MYO9A: variants seen among roughly 807,000 people sequenced by gnomAD.
MYO9A encodes myosin IXA.
A neutral mutation model predicts 293.3 loss-of-function variants in MYO9A; 103 were observed. The ratio of observed to expected loss-of-function variants is 0.35; its 90% CI spans 0.30 to 0.41. MYO9A has a LOEUF of 0.41. MYO9A is among the 10% of genes least tolerant of loss of function. The pLI is 1.00. For missense variants in MYO9A, 2,685 were observed against 3,033.0 expected (o/e 0.89, Z 2.69); for synonymous variants, 1,001 against 1,035.7 (o/e 0.97, Z 0.64).
chr15:71,856,819 G>A (rs902740555), intron 34 of MYO9A, among the ~76,000 whole-genome samples: 2 of 152,116 alleles, frequency 1.3e-5, no homozygotes, highest in African/African-American at 4.8e-5. Context: ...GGAATATTTA[G>A]AGGATGCATA....
At chr15:72,061,531 A>C (rs2078878167) in intron 1 of MYO9A, among the ~76,000 whole-genome samples, 1 of 151,604 alleles carries the variant, frequency 6.6e-6, no homozygotes, top group South Asian at 2.1e-4. Context: ...CCTTGAAAAA[A>C]CATCAGTGGT....
At chr15:71,838,133 A>G (rs773252203) in intron 39 of MYO9A, among the ~76,000 whole-genome samples, 1 of 152,186 alleles carries the variant, frequency 6.6e-6, no homozygotes, top group South Asian at 2.1e-4. Context: ...ATCTGTAGAT[A>G]ACACTGAGAA....
intron 19 of MYO9A, among the ~76,000 whole-genome samples, chr15:71,906,940 C>CTT (rs1164013567): frequency 7.3e-6 from 1 of 137,044 alleles, no homozygotes. Context: ...TTTTTTTTTT[C>CTT]TTTTTTTTTT....
rs574036856 is a variant in MYO9A, at chr15:72,084,506, C to A, written c.-72+33174G>T. 2.0e-5 allele frequency among the ~76,000 whole-genome samples: 3 copies of A among 152,244 alleles called. No homozygotes were observed. In the East Asian group the frequency reaches 5.8e-4, roughly 29 times the overall value. ...AGTATTGATAAGTGTGGATTTGATA[C>A]TGACATCATGATGTTACCTGGTTGT... On this transcript the variant is annotated intron_variant, in intron 1 of 41. Coordinates refer to ENST00000356056, the MANE Select transcript of MYO9A (RefSeq NM_006901.4).
At chr15:72,115,293 G>A (rs1172823873) in intron 1 of MYO9A, among the ~76,000 whole-genome samples, 3 of 152,124 alleles carry the variant, frequency 2.0e-5, no homozygotes, top group East Asian at 3.9e-4. Context: ...CCCAGAACCT[G>A]ATACTGAGCT....
chr15:71,882,338 G>A (rs2056898967), intron 28 of MYO9A, among the ~76,000 whole-genome samples: 1 of 152,216 alleles, frequency 6.6e-6, no homozygotes, highest in African/African-American at 2.4e-5. Flanking sequence ...AAAAGGGCTT[G>A]AGAAGTGGTA....
intron 8 of MYO9A, 84 bp downstream of exon 8, chr15:72,007,742 C>A (rs1036245165): frequency 9.8e-6 from 13 of 1,326,980 alleles, no homozygotes; most frequent in African/African-American, 1.5e-5. Flanking sequence ...AAAGCATTAA[C>A]CCGTTTACAC....
Position 72,007,899 on chromosome 15 carries a change from T to C in MYO9A, c.1307A>G (p.Lys436Arg), listed in dbSNP as rs1403488597. The change falls in exon 8 of 42, where the codon AAG becomes AGG. Residue 436 changes from lysine to arginine, a missense_variant. Physicochemically the swap from Lys to Arg is conservative, Grantham distance 26. Transcript: ENST00000356056. ...AATGGAGTCATCCCGGTATGTCTTC[T>C]TTTTGTAACAGATATTACCCAAATG... is the stretch of plus-strand genomic sequence containing the variant. Reference protein sequence around the residue: ...ILHLGNICYKKKTYRDDSIDI... With the variant: ...ILHLGNICYKRKTYRDDSIDI... 3.1e-6 allele frequency: 5 copies of C among 1,613,350 alleles called. No homozygotes were observed. In the East Asian group the frequency reaches 8.9e-5, roughly 29 times the overall value.
chr15:71,908,013 C>T (rs2057718978), intron 19 of MYO9A, among the ~76,000 whole-genome samples: 2 of 152,264 alleles, frequency 1.3e-5, no homozygotes, highest in East Asian at 3.9e-4. Flanking sequence ...ACATGAAGTA[C>T]TTGCCCATGC....
rs1407675372 is a variant in MYO9A at position 71,980,837 on chromosome 15, TAAAAACA to T, written c.1723-2552_1723-2546del. Among the ~76,000 whole-genome samples, 7 of 152,228 alleles carry T rather than the reference TAAAAACA, an allele frequency of 4.6e-5. No homozygotes were observed. In the East Asian group the frequency reaches 1.4e-3, roughly 29 times the overall value. The stretch of plus-strand genomic sequence containing the variant: ...TGGGCTGCAGAGCGAGACTCTGTCT[TAAAAACA>T]AAAAACAAACAAACAAGCAAAACTC... On this transcript the variant is annotated intron_variant, in intron 11 of 41. Coordinates refer to ENST00000356056, the MANE Select transcript of MYO9A (RefSeq NM_006901.4).
chr15:72,098,120 T>C (rs1415458661), intron 1 of MYO9A, among the ~76,000 whole-genome samples: 1 of 152,034 alleles, frequency 6.6e-6, no homozygotes, highest in Non-Finnish European at 1.5e-5. Flanking sequence ...ACTTGACACT[T>C]TTCCCTATGC....
At position 72,047,066 on chromosome 15, in the gene MYO9A, C is replaced by T. The variant is rs141207000; in HGVS notation, c.-71-432G>A. Among the ~76,000 whole-genome samples, 8 of 152,102 alleles carry T rather than the reference C, an allele frequency of 5.3e-5. No individual in the cohort carries two copies. The South Asian group carries it at 8.3e-4, about 16-fold the overall frequency. On this transcript the variant is annotated intron_variant, in intron 1 of 41. Transcript: ENST00000356056. ...ATAAAGCAAAAACAAGAAAGCATCC[C>T]AACAATGGAGCAAAAATTTTGTAAA...
intron 17 of MYO9A, 72 bp from the exon 18 acceptor site, chr15:71,933,781 A>T: frequency 2.3e-6 from 3 of 1,285,932 alleles, no homozygotes; most frequent in Non-Finnish European, 3.3e-6. Context: ...GTAGAGAAGA[A>T]AGATTTCAAG....
At chr15:71,867,382 GA>G (rs1227197533) in intron 32 of MYO9A, among the ~76,000 whole-genome samples, 1 of 152,008 alleles carries the variant, frequency 6.6e-6, no homozygotes, top group Non-Finnish European at 1.5e-5. Flanking sequence ...TATGAAAAAA[GA>G]AGATTCACAA....
At chr15:72,065,630 T>C (rs996927155) in intron 1 of MYO9A, among the ~76,000 whole-genome samples, 3 of 151,542 alleles carry the variant, frequency 2.0e-5, no homozygotes, top group African/African-American at 7.3e-5. Flanking sequence ...TTTGACTTTA[T>C]TAAAATTAAG....
chr15:71,962,666 T>C (rs1174600783), intron 13 of MYO9A, among the ~76,000 whole-genome samples: 1 of 152,164 alleles, frequency 6.6e-6, no homozygotes, highest in African/African-American at 2.4e-5. Flanking sequence ...ATAAAGCAGA[T>C]TTAGTCATAA....
chr15:72,101,588 T>C (rs1596576680), intron 1 of MYO9A, among the ~76,000 whole-genome samples: 1 of 110,974 alleles, frequency 9.0e-6, no homozygotes, highest in Non-Finnish European at 1.8e-5. Flanking sequence ...CCGCCCCTAC[T>C]GGGAAGTGAG....
At position 72,021,020 on chromosome 15, in the gene MYO9A, G is replaced by A; in HGVS notation, c.999-3C>T. The A allele has an allele frequency of 6.5e-7, 1 of 1,540,256 alleles. No individual in the cohort carries two copies. Among genetic ancestry groups the A allele is most frequent in the Non-Finnish European group, 8.7e-7 (1 of 1,146,938 alleles). On this transcript the variant is annotated splice_region_variant and splice_polypyrimidine_tract_variant and intron_variant, in intron 4 of 41. Transcript: ENST00000356056. ...GGTAATAGAATACATGATAGTTCCT[G>A]TGGGAAACAAAGAAGTACAAGTTTC...
At chr15:71,897,267 G>T in intron 25 of MYO9A, 194 bp downstream of exon 25, 1 of 612,258 alleles carries the variant, frequency 1.6e-6, no homozygotes, top group Non-Finnish European at 2.8e-6. Context: ...TTCATGATCA[G>T]TCAAGGATTC....
Sources: allele counts gnomAD v4.1 joint callset (sites outside exome capture counted in the v4.1 genomes callset), GRCh38; gene constraint gnomAD v4.1.1; transcripts MANE v1.5; gene names NCBI Gene and HGNC (gene_info 2026-07-23, HGNC 2026-07-21).